The following PTPRT variants were observed in gnomAD, a reference collection of about 807,000 sequenced individuals.
The protein encoded by PTPRT is protein tyrosine phosphatase receptor type T.
A neutral mutation model predicts 176.8 loss-of-function variants in PTPRT; 56 were observed. The observed-to-expected ratio is 0.32, with a 90% CI of 0.26 to 0.40. PTPRT has a LOEUF of 0.40. PTPRT is among the 10% of genes least tolerant of loss of function. The pLI is 1.00. For missense variants in PTPRT, 1,540 were observed against 1,908.2 expected (o/e 0.81, Z 3.60); for synonymous variants, 783 against 739.0 (o/e 1.06, Z -0.96).
chr20:42,866,293 T>A (rs2078745345), intron 2 of PTPRT, among the ~76,000 whole-genome samples: 1 of 152,188 alleles, frequency 6.6e-6, no homozygotes, highest in East Asian at 1.9e-4. Context: ...TCTATAGGTA[T>A]GTGTGTAATA....
At chr20:43,149,999 A>C (rs1036868682) in intron 1 of PTPRT, among the ~76,000 whole-genome samples, 1 of 152,222 alleles carries the variant, frequency 6.6e-6, no homozygotes. Context: ...TTTCCAGATA[A>C]TCCTCATCTG....
intron 1 of PTPRT, among the ~76,000 whole-genome samples, chr20:42,961,856 G>A (rs979872593): frequency 3.9e-5 from 6 of 152,294 alleles, no homozygotes; most frequent in African/African-American, 9.6e-5. Flanking sequence ...AATCACAAAC[G>A]TCCTTATAAG....
intron 3 of PTPRT, among the ~76,000 whole-genome samples, chr20:42,783,936 C>A (rs921823624): frequency 3.3e-5 from 5 of 152,042 alleles, no homozygotes; most frequent in African/African-American, 1.2e-4. Context: ...AAATGGAGGC[C>A]GAGACCCTGA....
At chr20:42,158,576 T>A (rs932172417) in intron 17 of PTPRT, among the ~76,000 whole-genome samples, 2 of 152,096 alleles carry the variant, frequency 1.3e-5, no homozygotes, top group Non-Finnish European at 2.9e-5. Context: ...GGACAATGAT[T>A]CTCCTAGCAG....
chr20:42,691,727 G>A (rs2425529), intron 6 of PTPRT, among the ~76,000 whole-genome samples: 3,189 of 152,168 alleles, frequency 0.021, 126 homozygotes, highest in African/African-American at 0.074. Context: ...AAAGGACTTC[G>A]AAACAACACA....
chr20:42,410,764 A>G (rs187433204), intron 9 of PTPRT, among the ~76,000 whole-genome samples: 192 of 152,310 alleles, frequency 1.3e-3, no homozygotes, highest in Non-Finnish European at 2.2e-3. Flanking sequence ...AATTAATAAC[A>G]GAAAGATATC....
intron 9 of PTPRT, among the ~76,000 whole-genome samples, chr20:42,423,484 G>T (rs1181049080): frequency 6.6e-6 from 1 of 152,070 alleles, no homozygotes; most frequent in Non-Finnish European, 1.5e-5. Context: ...CTGTGCCCAG[G>T]CCCCTCACTG....
intron 1 of PTPRT, among the ~76,000 whole-genome samples, chr20:42,947,804 G>A (rs1314002586): frequency 6.6e-6 from 1 of 151,818 alleles, no homozygotes; most frequent in Non-Finnish European, 1.5e-5. Flanking sequence ...CCCGGAAATT[G>A]TCTTGCCAAG....
intron 9 of PTPRT, among the ~76,000 whole-genome samples, chr20:42,425,720 C>A (rs892003789): frequency 3.3e-5 from 5 of 152,118 alleles, no homozygotes; most frequent in African/African-American, 1.2e-4. Flanking sequence ...GTTGCACACC[C>A]TAAACAGATA....
At chr20:42,554,149 A>G (rs2072819510) in intron 7 of PTPRT, among the ~76,000 whole-genome samples, 1 of 152,084 alleles carries the variant, frequency 6.6e-6, no homozygotes, top group South Asian at 2.1e-4. Flanking sequence ...GAGTCCTTGA[A>G]TTTTGTTTCT....
At chr20:42,520,203 A>G (rs2072145463) in intron 7 of PTPRT, among the ~76,000 whole-genome samples, 1 of 152,134 alleles carries the variant, frequency 6.6e-6, no homozygotes, top group African/African-American at 2.4e-5. Flanking sequence ...AGCTTAAAAA[A>G]TGAAATAAAA....
At chr20:43,165,109 G>A in intron 1 of PTPRT, among the ~76,000 whole-genome samples, 1 of 151,604 alleles carries the variant, frequency 6.6e-6, no homozygotes, top group Admixed American at 6.6e-5. Flanking sequence ...TAGTGAATAA[G>A]TCTCACAAGA....
intron 7 of PTPRT, among the ~76,000 whole-genome samples, chr20:42,503,876 C>T (rs1313800436): frequency 6.6e-6 from 1 of 152,030 alleles, no homozygotes; most frequent in Non-Finnish European, 1.5e-5. Flanking sequence ...CTGATTCTAC[C>T]GTTTGGAATG....
At chr20:42,360,045 T>C (rs950900370) in intron 9 of PTPRT, among the ~76,000 whole-genome samples, 3 of 152,174 alleles carry the variant, frequency 2.0e-5, no homozygotes, top group East Asian at 1.9e-4. Context: ...GGATCAAACA[T>C]AGGGAGAAAA....
At chr20:43,077,906 C>T (rs2011321536) in intron 1 of PTPRT, among the ~76,000 whole-genome samples, 1 of 152,192 alleles carries the variant, frequency 6.6e-6, no homozygotes, top group South Asian at 2.1e-4. Flanking sequence ...ACAACCCTCA[C>T]TATTTGTCCT....
At chr20:42,088,111 A>C (rs1409609830) in intron 27 of PTPRT, among the ~76,000 whole-genome samples, 2 of 152,050 alleles carry the variant, frequency 1.3e-5, no homozygotes, top group Non-Finnish European at 2.9e-5. Flanking sequence ...TACAGAGGGG[A>C]GACAAGATTG....
At chr20:43,033,108 T>C (rs1986215669) in intron 1 of PTPRT, among the ~76,000 whole-genome samples, 1 of 152,244 alleles carries the variant, frequency 6.6e-6, no homozygotes, top group Non-Finnish European at 1.5e-5. Context: ...AGGACTTTTT[T>C]GGATACATCT....
At chr20:42,712,339 G>A (rs2076157174) in intron 6 of PTPRT, among the ~76,000 whole-genome samples, 1 of 152,100 alleles carries the variant, frequency 6.6e-6, no homozygotes, top group African/African-American at 2.4e-5. Context: ...CTGATTTTAA[G>A]AGAAGCAAAC....
intron 15 of PTPRT, among the ~76,000 whole-genome samples, chr20:42,230,476 A>T (rs2056111651): frequency 6.6e-6 from 1 of 152,226 alleles, no homozygotes; most frequent in Non-Finnish European, 1.5e-5. Context: ...TTAAAAAGGC[A>T]AACACTGAAC....
Sources: gnomAD v4.1 joint callset for allele counts (sites outside exome capture counted in the v4.1 genomes callset) on GRCh38, gnomAD v4.1.1 for gene constraint, MANE v1.5 for transcripts, NCBI Gene and HGNC (gene_info 2026-07-23, HGNC 2026-07-21) for gene names.